BTG4: variants seen among roughly 807,000 people sequenced by gnomAD.
BTG4 encodes the protein protein BTG4.
In BTG4, 10 loss-of-function variants were observed where a neutral mutation model predicts 19.3. That is an observed-to-expected ratio of 0.52 (90% CI 0.32 to 0.88). BTG4 has a LOEUF of 0.88. Ranked by LOEUF, BTG4 falls within the 40% of genes least tolerant of loss-of-function variation. BTG4 has a pLI of 0.04. For synonymous variants in BTG4, 91 were observed against 95.7 expected (o/e 0.95, Z 0.29); for missense variants, 238 against 281.9 (o/e 0.84, Z 1.11).
chr11:111,496,740 T>C (rs1865756815), intron 4 of BTG4: 1 of 157,564 alleles, frequency 6.3e-6, no homozygotes, highest in Non-Finnish European at 1.4e-5. Context: ...CATGAAACTT[T>C]TTAAATGTAA....
intron 4 of BTG4, among the ~76,000 whole-genome samples, chr11:111,496,274 T>C (rs1284844882): frequency 6.6e-6 from 1 of 152,214 alleles, no homozygotes; most frequent in Non-Finnish European, 1.5e-5. Flanking sequence ...CACTTTTACA[T>C]ACAGCTGGTG....
the BTG4 span, chr11:111,455,958 C>T: frequency 2.7e-6 from 1 of 365,738 alleles, no homozygotes; most frequent in Non-Finnish European, 5.8e-6. Flanking sequence ...GTAGAAACTC[C>T]AGTTCCACCC....
At chr11:111,477,831 T>C (rs1167803772) in intron 5 of BTG4, among the ~76,000 whole-genome samples, 1 of 152,016 alleles carries the variant, frequency 6.6e-6, no homozygotes, top group Non-Finnish European at 1.5e-5. Context: ...ACTTTAACAA[T>C]AAATCCTATA....
the BTG4 span, among the ~76,000 whole-genome samples, chr11:111,433,767 A>G: frequency 3.9e-5 from 6 of 152,382 alleles, no homozygotes; most frequent in African/African-American, 1.4e-4. Context: ...GTCTCAAAAG[A>G]AGACATTTAT....
intron 1 of BTG4, among the ~76,000 whole-genome samples, chr11:111,499,787 C>T (rs1234272363): frequency 6.6e-6 from 1 of 152,090 alleles, no homozygotes; most frequent in Non-Finnish European, 1.5e-5. Context: ...CTAACCTCAC[C>T]AGTTCTCAAA....
chr11:111,458,139 C>T, the BTG4 span: 2 of 152,830 alleles, frequency 1.3e-5, no homozygotes, highest in South Asian at 4.1e-4. Flanking sequence ...CTGGCCTTGA[C>T]TCTGCACCAT....
At chr11:111,408,539 G>T in the BTG4 span, among the ~76,000 whole-genome samples, 1 of 152,210 alleles carries the variant, frequency 6.6e-6, no homozygotes, top group Non-Finnish European at 1.5e-5. Context: ...TCAAGAGAGG[G>T]TTTCAGACAA....
chr11:111,440,906 T>C, the BTG4 span, among the ~76,000 whole-genome samples: 2 of 152,126 alleles, frequency 1.3e-5, no homozygotes, highest in Non-Finnish European at 2.9e-5. Context: ...GAGGAGGGGA[T>C]AGGTGACTAT....
chr11:111,506,015 C>T (rs1866429470), intron 1 of BTG4, among the ~76,000 whole-genome samples: 1 of 152,066 alleles, frequency 6.6e-6, no homozygotes, highest in South Asian at 2.1e-4. Context: ...AATACTCACA[C>T]ACTGTTGGTG....
At chr11:111,431,874 A>C in the BTG4 span, among the ~76,000 whole-genome samples, 3 of 152,212 alleles carry the variant, frequency 2.0e-5, no homozygotes, top group African/African-American at 7.2e-5. Flanking sequence ...CCAGAATGAA[A>C]GTAGTAGATG....
the BTG4 span, among the ~76,000 whole-genome samples, chr11:111,393,776 C>G: frequency 2.0e-5 from 3 of 152,186 alleles, no homozygotes; most frequent in Non-Finnish European, 4.4e-5. Flanking sequence ...AGCTCCACTA[C>G]CCTTTGAAAA....
chr11:111,503,981 A>G (rs1388026676), intron 1 of BTG4, among the ~76,000 whole-genome samples: 2 of 152,152 alleles, frequency 1.3e-5, no homozygotes, highest in African/African-American at 4.8e-5. Flanking sequence ...AGTAATTTTA[A>G]AATATCATCT....
the BTG4 span, among the ~76,000 whole-genome samples, chr11:111,433,294 G>A: frequency 2.0e-5 from 3 of 152,182 alleles, no homozygotes; most frequent in African/African-American, 7.2e-5. Context: ...ACAAAAACAA[G>A]CAACAGGGAA....
the BTG4 span, among the ~76,000 whole-genome samples, chr11:111,392,424 G>A: frequency 1.5e-4 from 23 of 152,060 alleles, no homozygotes; most frequent in African/African-American, 4.8e-4. Flanking sequence ...TGATCAGCCC[G>A]CCTCGGCCTC....
chr11:111,490,336 T>C (rs2135627769), downstream of BTG4, among the ~76,000 whole-genome samples: 1 of 152,080 alleles, frequency 6.6e-6, no homozygotes, highest in African/African-American at 2.4e-5. Context: ...CACAAAGAAA[T>C]GATCAACGCT....
the BTG4 span, among the ~76,000 whole-genome samples, chr11:111,431,821 A>T: frequency 4.6e-5 from 7 of 152,162 alleles, no homozygotes; most frequent in African/African-American, 1.7e-4. Flanking sequence ...TAAGAACTGA[A>T]CTCTAGCAAC....
intron 5 of BTG4, among the ~76,000 whole-genome samples, chr11:111,485,050 A>C (rs1864973229): frequency 6.6e-6 from 1 of 152,196 alleles, no homozygotes; most frequent in Non-Finnish European, 1.5e-5. Context: ...GGGTCAATTC[A>C]ACAAAAGCAT....
downstream of BTG4, among the ~76,000 whole-genome samples, chr11:111,467,345 G>C (rs567923743): frequency 7.9e-5 from 12 of 152,308 alleles, no homozygotes; most frequent in East Asian, 2.3e-3. Context: ...ATTTAGAAAA[G>C]TAGTAAATTG....
the BTG4 span, chr11:111,385,819 T>A: frequency 6.6e-6 from 1 of 152,128 alleles, no homozygotes; most frequent in African/African-American, 2.4e-5. Flanking sequence ...ATGCCAAAAA[T>A]CTAGAGTGAT....
Sources: allele counts gnomAD v4.1 joint callset (sites outside exome capture counted in the v4.1 genomes callset), GRCh38; gene constraint gnomAD v4.1.1; transcripts MANE v1.5; gene names NCBI Gene and HGNC (gene_info 2026-07-23, HGNC 2026-07-21).